The following CD302 variants were observed in gnomAD, a reference collection of about 807,000 sequenced individuals.
The protein encoded by CD302 is CD302 antigen.
In CD302, 23 loss-of-function variants were observed where a neutral mutation model predicts 26.5. The ratio of observed to expected loss-of-function variants is 0.87; its 90% CI spans 0.62 to 1.23. The LOEUF (loss-of-function observed/expected upper bound fraction) is 1.23. Among genes scored for constraint, CD302 ranks in the 50% most tolerant of loss-of-function variants. CD302 has a pLI of 0.00. For missense variants in CD302, 290 were observed against 275.5 expected (o/e 1.05, Z -0.37); for synonymous variants, 90 against 99.4 (o/e 0.91, Z 0.56).
chr2:159,785,249 A>G (rs1487677144), intron 1 of CD302, among the ~76,000 whole-genome samples: 1 of 152,168 alleles, frequency 6.6e-6, no homozygotes, highest in Non-Finnish European at 1.5e-5. Flanking sequence ...TGCTGGGATT[A>G]CAAGTGAGAG....
rs1290067507 is a variant in CD302 at position 159,770,885 on chromosome 2, C to T, written c.*966G>A. On this transcript the variant is annotated 3_prime_UTR_variant, in exon 6 of 6. Transcript: ENST00000259053. ...GTGACTAATTTACGTGAAATTTATACATTCTTTATCTTTCCTGTTTTTGGT... is the reference window on the plus strand; with the variant it reads ...GTGACTAATTTACGTGAAATTTATATATTCTTTATCTTTCCTGTTTTTGGT... 1 of 152,142 alleles carries T rather than the reference C, an allele frequency of 6.6e-6. No individual in the cohort carries two copies. The highest frequency in any genetic ancestry group is 1.5e-5 in the Non-Finnish European group (1 of 68,004). The allele number at this position is 152,142 out of a possible 1,614,324, so 9.4% of individuals were successfully genotyped here. A position where few individuals can be genotyped will look rare whatever the true frequency, so the allele number is the denominator to read the frequency against.
rs1708145625 is a variant in CD302 at position 159,771,499 on chromosome 2, A to G, written c.*352T>C. On this transcript the variant is annotated 3_prime_UTR_variant, in exon 6 of 6. Transcript: ENST00000259053. ...TTCCCCATTTCATGTTTACTAATAA[A>G]CATATAAACTAAAGTGGGTCAACTA... The G allele has an allele frequency of 5.8e-6, 1 of 172,584 alleles. No homozygotes were observed. Among genetic ancestry groups the G allele is most frequent in the African/African-American group, 2.4e-5 (1 of 41,882 alleles). 10.7% of individuals were successfully genotyped at this position (172,584 alleles called of 1,614,324 possible). A position where few individuals can be genotyped will look rare whatever the true frequency, so the allele number is the denominator to read the frequency against.
rs1175842530 is a variant in CD302 at position 159,768,940 on chromosome 2, T to C, written c.*2911A>G. 3 of 152,220 alleles carry C rather than the reference T, an allele frequency of 2.0e-5. No individual in the cohort carries two copies. The highest frequency in any genetic ancestry group is 7.2e-5 in the African/African-American group (3 of 41,466). The allele number at this position is 152,220 out of a possible 1,614,324, so 9.4% of individuals were successfully genotyped here. A position where few individuals can be genotyped will look rare whatever the true frequency, so the allele number is the denominator to read the frequency against. ...ATGCACATAATTCTGTATAGTTTTG[T>C]TATTAAATGCTAAATGACAGTGATA... On this transcript the variant is annotated 3_prime_UTR_variant, in exon 6 of 6. Coordinates refer to ENST00000259053, the MANE Select transcript of CD302 (RefSeq NM_014880.5).
intron 1 of CD302, among the ~76,000 whole-genome samples, chr2:159,796,205 C>A (rs1315618428): frequency 6.6e-6 from 1 of 152,190 alleles, no homozygotes; most frequent in African/African-American, 2.4e-5. Context: ...TGGTATTCAG[C>A]AACAAACTCT....
chr2:159,794,097 CAAAAAAA>C, intron 1 of CD302, among the ~76,000 whole-genome samples: 1 of 106,938 alleles, frequency 9.4e-6, no homozygotes, highest in Non-Finnish European at 1.9e-5. Flanking sequence ...CCCACCTCTA[CAAAAAAA>C]AAAAAAAAAA....
intron 5 of CD302, among the ~76,000 whole-genome samples, chr2:159,772,403 TTTAGA>T (rs1708179492): frequency 6.6e-6 from 1 of 152,204 alleles, no homozygotes; most frequent in Admixed American, 6.5e-5. Context: ...AATTCTAGTA[TTTAGA>T]TAATGTGTTA....
chr2:159,776,724 T>A (rs1359697630), intron 5 of CD302, among the ~76,000 whole-genome samples: 9 of 19,466 alleles, frequency 4.6e-4, no homozygotes, highest in African/African-American at 1.1e-3. Flanking sequence ...TTTTTTTTTG[T>A]GAGATGGAGT....
At chr2:159,782,294 T>A (rs1343170525) in intron 2 of CD302, among the ~76,000 whole-genome samples, 2 of 150,446 alleles carry the variant, frequency 1.3e-5, no homozygotes, top group African/African-American at 4.9e-5. Flanking sequence ...GCGCTGGTAA[T>A]CCCAGCTACT....
chr2:159,783,672 C>T (rs144017530), intron 1 of CD302, among the ~76,000 whole-genome samples: 27 of 152,190 alleles, frequency 1.8e-4, no homozygotes, highest in Admixed American at 9.2e-4. Flanking sequence ...GAGAAATGTG[C>T]CAATGATTCT....
intron 5 of CD302, among the ~76,000 whole-genome samples, chr2:159,775,928 A>G (rs958664811): frequency 2.8e-5 from 4 of 143,118 alleles, no homozygotes; most frequent in African/African-American, 1.0e-4. Context: ...GTTTTGTTTT[A>G]GATGGAGGCT....
intron 5 of CD302, among the ~76,000 whole-genome samples, chr2:159,774,459 C>T (rs909295719): frequency 6.6e-6 from 1 of 152,094 alleles, no homozygotes; most frequent in Non-Finnish European, 1.5e-5. Flanking sequence ...ATACATAATC[C>T]ACCTCAAAAA....
At position 159,775,526 on chromosome 2, in the gene CD302, C is replaced by T. The variant is rs143661570; in HGVS notation, c.496+2412G>A. Among the ~76,000 whole-genome samples the T allele has an allele frequency of 1.4e-3, 215 of 152,338 alleles. 1 individual carries two copies. Among genetic ancestry groups the T allele is most frequent in the African/African-American group, 5.0e-3 (207 of 41,584 alleles). On this transcript the variant is annotated intron_variant, in intron 5 of 5. Coordinates refer to ENST00000259053, the MANE Select transcript of CD302 (RefSeq NM_014880.5). Reference sequence around the variant, plus strand: ...AATACTGTGCTCCTGCTCCACTACTCACCTGAACATCCATTCCTTAAAGTT... The same window carrying T: ...AATACTGTGCTCCTGCTCCACTACTTACCTGAACATCCATTCCTTAAAGTT...
intron 1 of CD302, among the ~76,000 whole-genome samples, chr2:159,784,567 G>A (rs1366943828): frequency 6.6e-6 from 1 of 151,842 alleles, no homozygotes; most frequent in Non-Finnish European, 1.5e-5. Flanking sequence ...CGTTGCCCAG[G>A]CTGGTCTCAA....
intron 4 of CD302, 102 bp from the exon 5 acceptor site, chr2:159,778,066 T>A: frequency 4.9e-6 from 2 of 412,000 alleles, no homozygotes; most frequent in South Asian, 3.4e-5. Context: ...CTTTTATTAG[T>A]AGCTTAATAT....
chr2:159,788,255 T>C (rs1196973430), intron 1 of CD302, among the ~76,000 whole-genome samples: 1 of 152,228 alleles, frequency 6.6e-6, no homozygotes, highest in South Asian at 2.1e-4. Context: ...TGGTCAATGA[T>C]AGACTATATA....
chr2:159,779,230 C>CAAAAAAAAA (rs10710620), intron 4 of CD302, among the ~76,000 whole-genome samples: 1 of 47,772 alleles, frequency 2.1e-5, no homozygotes, highest in African/African-American at 1.0e-4. Flanking sequence ...GACTGCATCG[C>CAAAAAAAAA]AAAAAAAAAA....
intron 5 of CD302, among the ~76,000 whole-genome samples, chr2:159,776,928 TA>T (rs1708350887): frequency 6.6e-6 from 1 of 152,142 alleles, no homozygotes; most frequent in Non-Finnish European, 1.5e-5. Context: ...AAATTTGTTT[TA>T]AAAATTCCTA....
chr2:159,782,120 T>C (rs1002105130), intron 2 of CD302, among the ~76,000 whole-genome samples: 1 of 151,722 alleles, frequency 6.6e-6, no homozygotes, highest in Non-Finnish European at 1.5e-5. Flanking sequence ...TACAAAAAAT[T>C]AGCCAGGTGT....
intron 3 of CD302, 85 bp downstream of exon 3, chr2:159,780,797 G>T: frequency 1.6e-6 from 2 of 1,266,160 alleles, no homozygotes; most frequent in South Asian, 1.2e-5. Flanking sequence ...TCATCAACTT[G>T]AACCAGAGAA....
Sources: allele counts gnomAD v4.1 joint callset (sites outside exome capture counted in the v4.1 genomes callset), GRCh38; gene constraint gnomAD v4.1.1; transcripts MANE v1.5; gene names NCBI Gene and HGNC (gene_info 2026-07-23, HGNC 2026-07-21).